The following PCDHA13 variants were observed in gnomAD, a reference collection of about 807,000 sequenced individuals.
The protein encoded by PCDHA13 is protocadherin alpha-13.
In PCDHA13, 54 loss-of-function variants were observed where a neutral mutation model predicts 64.8. The ratio of observed to expected loss-of-function variants is 0.83; its 90% CI spans 0.67 to 1.04. PCDHA13 has a LOEUF of 1.04. PCDHA13 is among the 50% of genes least tolerant of loss of function. The pLI is 0.00. For synonymous variants in PCDHA13, 587 were observed against 564.4 expected (o/e 1.04, Z -0.57); for missense variants, 1,248 against 1,254.3 (o/e 0.99, Z 0.08).
chr5:141,009,062 A>G (rs1466818539), intron 3 of PCDHA13, among the ~76,000 whole-genome samples: 1 of 152,240 alleles, frequency 6.6e-6, no homozygotes, highest in East Asian at 1.9e-4. Context: ...TCACAACTGT[A>G]TTCTTTAGGA....
intron 1 of PCDHA13, chr5:140,928,375 T>C: frequency 6.2e-7 from 1 of 1,614,184 alleles, no homozygotes. Context: ...GCCATCAGCC[T>C]CTAGCTTGCT....
intron 1 of PCDHA13, among the ~76,000 whole-genome samples, chr5:140,914,462 G>A (rs1554196374): frequency 6.6e-6 from 1 of 152,068 alleles, no homozygotes; most frequent in East Asian, 1.9e-4. Context: ...CAGTCTATGT[G>A]TATCTTCATA....
chr5:140,966,740 C>CGGCT (rs2096047340), intron 1 of PCDHA13: 1 of 1,422,580 alleles, frequency 7.0e-7, no homozygotes, highest in African/African-American at 1.5e-5. Flanking sequence ...CGGCCCTGCC[C>CGGCT]GGCTGCCTCC....
At chr5:140,966,489 C>T in intron 1 of PCDHA13, 1 of 440,146 alleles carries the variant, frequency 2.3e-6, no homozygotes, top group Non-Finnish European at 3.9e-6. Flanking sequence ...TTCCCTCCCC[C>T]TGGAGCTGTA....
intron 1 of PCDHA13, among the ~76,000 whole-genome samples, chr5:140,887,221 C>T (rs149306651): frequency 9.2e-5 from 14 of 151,858 alleles, no homozygotes; most frequent in Non-Finnish European, 1.3e-4. Flanking sequence ...CTCAGCCTCC[C>T]GAGTAGCTGA....
chr5:140,968,782 C>G, intron 1 of PCDHA13: 1 of 1,614,192 alleles, frequency 6.2e-7, no homozygotes, highest in South Asian at 1.1e-5. Flanking sequence ...CACTATCAGC[C>G]TCTGTGGCCA....
chr5:140,890,931 C>T (rs2062870447), intron 1 of PCDHA13, among the ~76,000 whole-genome samples: 1 of 152,090 alleles, frequency 6.6e-6, no homozygotes, highest in Admixed American at 6.6e-5. Context: ...TTCCTTTAGT[C>T]CAAAGATGCT....
intron 1 of PCDHA13, among the ~76,000 whole-genome samples, chr5:140,898,580 T>G (rs541428438): frequency 2.9e-4 from 44 of 152,370 alleles, no homozygotes; most frequent in African/African-American, 1.0e-3. Flanking sequence ...CCATGCTGTT[T>G]TGGTTACTGT....
chr5:140,909,493 G>A (rs989826667), intron 1 of PCDHA13, among the ~76,000 whole-genome samples: 2 of 152,184 alleles, frequency 1.3e-5, no homozygotes, highest in African/African-American at 4.8e-5. Context: ...AGAGCTGAAC[G>A]GGGATGTGGT....
chr5:140,940,610 G>A (rs1394761541), intron 1 of PCDHA13, among the ~76,000 whole-genome samples: 1 of 151,836 alleles, frequency 6.6e-6, no homozygotes, highest in Non-Finnish European at 1.5e-5. Context: ...GCTGCTCCTG[G>A]CTCCTGCAAA....
Position 140,883,551 on chromosome 5 carries a change from G to C in PCDHA13, c.1283G>C (p.Arg428Pro), listed in dbSNP as rs375469569. The C allele has an allele frequency of 9.9e-6, 16 of 1,614,234 alleles. No homozygotes were observed. The highest frequency in any genetic ancestry group is 1.7e-4 in the Middle Eastern group (1 of 6,054). Residue 428 changes from arginine to proline, a missense_variant, in exon 1 of 4, where the codon CGG becomes CCG. Physicochemically the swap from Arg to Pro is moderately radical, Grantham distance 103. Transcript: ENST00000289272. ...GCCTATGAACTGGTGGTGACCGCGC[G>C]GGACGGGGGCTCGCCTTCGCTGTGG... ...VSAYELVVTA[R>P]DGGSPSLWAT...
chr5:140,938,477 A>T (rs2092083791), intron 1 of PCDHA13, among the ~76,000 whole-genome samples: 1 of 152,178 alleles, frequency 6.6e-6, no homozygotes, highest in Non-Finnish European at 1.5e-5. Flanking sequence ...TATGTTTTTT[A>T]AAAATCATGA....
intron 3 of PCDHA13, among the ~76,000 whole-genome samples, chr5:141,000,691 G>A (rs1177204689): frequency 3.3e-5 from 5 of 151,460 alleles, no homozygotes; most frequent in African/African-American, 1.2e-4. Flanking sequence ...GCCTCCCAAA[G>A]TGCTGGGATT....
At position 141,011,314 on chromosome 5, in the gene PCDHA13, T is replaced by G. The variant is rs1269900647; in HGVS notation, c.*1377T>G. 2.0e-5 allele frequency: 3 copies of G among 153,782 alleles called. No homozygotes were observed. Among genetic ancestry groups the G allele is most frequent in the Non-Finnish European group, 4.4e-5 (3 of 68,040 alleles). 9.5% of individuals were successfully genotyped at this position (153,782 alleles called of 1,614,324 possible). On this transcript the variant is annotated 3_prime_UTR_variant, in exon 4 of 4. Coordinates refer to ENST00000289272, the MANE Select transcript of PCDHA13 (RefSeq NM_018904.3). ...CTATAACACTCTGAATTGCTAATCT[T>G]ACTAACACCTATGATGTTACCTGAA...
At chr5:140,939,537 C>T (rs2092406859) in intron 1 of PCDHA13, among the ~76,000 whole-genome samples, 1 of 150,686 alleles carries the variant, frequency 6.6e-6, no homozygotes, top group Non-Finnish European at 1.5e-5. Context: ...TATACAGAGC[C>T]TCTATTTCTT....
intron 1 of PCDHA13, among the ~76,000 whole-genome samples, chr5:140,906,212 A>C (rs2072460025): frequency 6.6e-6 from 1 of 152,194 alleles, no homozygotes; most frequent in South Asian, 2.1e-4. Context: ...CTCAGTATTA[A>C]CCATCACAAG....
At chr5:140,990,367 A>G (rs1162635749) in intron 3 of PCDHA13, among the ~76,000 whole-genome samples, 1 of 152,104 alleles carries the variant, frequency 6.6e-6, no homozygotes, top group Non-Finnish European at 1.5e-5. Context: ...AATCTAATAA[A>G]GCAAATTTGT....
intron 1 of PCDHA13, among the ~76,000 whole-genome samples, chr5:140,901,437 C>G (rs1554189835): frequency 1.3e-5 from 2 of 152,132 alleles, no homozygotes; most frequent in Non-Finnish European, 2.9e-5. Flanking sequence ...ATATGGATAT[C>G]TAGTTTCCCA....
chr5:140,960,249 T>C (rs2095534563), intron 1 of PCDHA13, among the ~76,000 whole-genome samples: 1 of 152,210 alleles, frequency 6.6e-6, no homozygotes, highest in African/African-American at 2.4e-5. Flanking sequence ...AGAAGCTTCC[T>C]GGAGCTTCTG....
Sources: allele counts gnomAD v4.1 joint callset (sites outside exome capture counted in the v4.1 genomes callset), GRCh38; gene constraint gnomAD v4.1.1; transcripts MANE v1.5; gene names NCBI Gene and HGNC (gene_info 2026-07-23, HGNC 2026-07-21).